Variants in MAN2C1 observed in about 807,000 individuals in gnomAD.
MAN2C1 encodes alpha-mannosidase 2C1.
In MAN2C1, 111 loss-of-function variants were observed where a neutral mutation model predicts 126.9. The ratio of observed to expected loss-of-function variants is 0.87; its 90% confidence interval spans 0.75 to 1.02. The LOEUF (loss-of-function observed/expected upper bound fraction) is 1.02, where lower values mean the gene tolerates loss of function less well. Ranked by LOEUF, MAN2C1 falls within the 50% of genes least tolerant of loss-of-function variation. The probability of loss-of-function intolerance (pLI) is 0.00; values close to 1 mark genes in which losing one functional copy is unlikely to be tolerated. For synonymous variants in MAN2C1, 567 were observed against 561.5 expected, an observed-to-expected ratio of 1.01 and a Z score of -0.14; for missense variants, 1,363 against 1,364.4, an observed-to-expected ratio of 1.00 and a Z score of 0.02.
chr15:75,356,188 A>G lies in MAN2C1; in HGVS notation c.2918T>C (p.Val973Ala). 2 of 1,613,424 alleles carry G rather than the reference A, an allele frequency of 1.2e-6. No individual in the cohort carries two copies. The highest frequency in any genetic ancestry group is 1.1e-5 in the South Asian group (1 of 91,068). ...GCCGTGGGCCTCATACAGCCTCAGG[A>G]CCAGCGAGCGGCGCTGGGGGCTGCT... ...AESSPQRRSL[V>A]LRLYEAHGSH... The change falls in exon 25 of 26, where the codon GTC becomes GCC. Residue 973 changes from valine to alanine, a missense_variant. By Grantham distance (64) the Val-to-Ala change is moderately conservative. Transcript: ENST00000267978. This position sits in a 1 kb window ranked among gnomAD's most constrained non-coding sequence, Gnocchi z 5.8.
chr15:75,360,616 A>G lies in MAN2C1; in HGVS notation c.1533T>C (p.Val511=). 2 of 1,613,874 alleles carry G rather than the reference A, an allele frequency of 1.2e-6. No individual in the cohort carries two copies. The highest frequency in any genetic ancestry group is 1.7e-6 in the Non-Finnish European group (2 of 1,179,986). ...TGTGCAGCTCCAAGAAGAGCTCCCC[A>G]ACCCACGTGCACAGCTGCTCTGAGT... The part of the protein sequence containing the change: ...ESDSEQLCTW[V]GELFLELHNG... The change falls in exon 13 of 26, where the codon GTT becomes GTC. Residue 511 remains valine (V), a synonymous_variant. Coordinates refer to ENST00000267978, the MANE Select transcript of MAN2C1 (RefSeq NM_006715.4).
rs2072528604 is a variant in MAN2C1, at chr15:75,364,075, G to A, written c.714C>T (p.Ala238=). The part of the protein sequence containing the change: ...PETFPVAQAL[A]SRFFGQHGGE... ...CCCCATGTTGGCCAAAGAACCTGGA[G>A]GCCAGGGCCTGGGCCACTGGGAAGG... Residue 238 remains alanine (A), a synonymous_variant, in exon 6 of 26, where the codon GCC becomes GCT. Coordinates refer to ENST00000267978, the MANE Select transcript of MAN2C1 (RefSeq NM_006715.4). 1 of 1,614,098 alleles carries A rather than the reference G, an allele frequency of 6.2e-7. No homozygotes were observed. Among genetic ancestry groups the A allele is most frequent in the African/African-American group, 1.3e-5 (1 of 74,950 alleles).
Position 75,368,181 on chromosome 15 carries a change from C to A in MAN2C1, c.119G>T (p.Cys40Phe), listed in dbSNP as rs2072623413. 6.2e-7 allele frequency: 1 copy of A among 1,604,256 alleles called. No homozygotes were observed. Among genetic ancestry groups the A allele is most frequent in the Admixed American group, 1.7e-5 (1 of 59,180 alleles). ...GAAGCTGGAGAGCACAGCCACAGGG[C>A]AGCTGGCCCCAAAAAGCCTGCGTGG... ...NLRGRLFGAS[C>F]PVAVLSSFLT... Residue 40 changes from cysteine to phenylalanine, a missense_variant, in exon 2 of 26, where the codon TGC becomes TTC. By Grantham distance (205) the Cys-to-Phe change is radical. This residue lies in a region of MAN2C1 where 628 missense variants were observed against 609.8 expected (regional missense o/e 1.03). Coordinates refer to ENST00000267978, the MANE Select transcript of MAN2C1 (RefSeq NM_006715.4).
At position 75,361,197 on chromosome 15, in the gene MAN2C1, C is replaced by T. The variant is rs1450337762; in HGVS notation, c.1315-6G>A. 3 of 1,610,090 alleles carry T rather than the reference C, an allele frequency of 1.9e-6. No homozygotes were observed. The highest frequency in any genetic ancestry group is 2.5e-6 in the Non-Finnish European group (3 of 1,178,672). On this transcript the variant is annotated splice_polypyrimidine_tract_variant and splice_region_variant and intron_variant, in intron 11 of 25. Transcript: ENST00000267978. This position sits in a 1 kb window ranked among gnomAD's most constrained non-coding sequence, Gnocchi z 5.0. ...TTGGCCACGGTCTTCAGCACCTAGA[C>T]AGGTGAGGGCAGGCCAGCATGGATC...
At chr15:75,359,179 G>C (rs769235254) in intron 17 of MAN2C1, 26 bp from the exon 18 acceptor site, 9 of 1,613,250 alleles carry the variant, frequency 5.6e-6, no homozygotes, top group African/African-American at 1.3e-5. Flanking sequence ...CCTTGAGGCT[G>C]AGTCTGTAGG....
chr15:75,361,537 G>C lies in MAN2C1; in HGVS notation c.1218+67C>G, dbSNP rs1220806290. The C allele has an allele frequency of 1.4e-5, 19 of 1,360,578 alleles. No homozygotes were observed. In the Admixed American group the frequency reaches 3.0e-4, roughly 22 times the overall value. The allele number at this position is 1,360,578 out of a possible 1,614,324, so 84.3% of individuals were successfully genotyped here. ...TCTGTCTAGGACCCCACAATAAGGGGGAGAGGCAAATGGGCCAGGCGGGAC... is the reference window on the plus strand; with the variant it reads ...TCTGTCTAGGACCCCACAATAAGGGCGAGAGGCAAATGGGCCAGGCGGGAC... On this transcript the variant is annotated intron_variant, in intron 10 of 25. Transcript: ENST00000267978. The surrounding 1 kb of genome is among the most constrained non-coding windows in gnomAD (Gnocchi z 5.0).
chr15:75,359,381 GGGGA>G lies in MAN2C1; in HGVS notation c.1989_1992del (p.Thr666HisfsTer13), dbSNP rs749025173. The G allele has an allele frequency of 2.5e-6, 4 of 1,608,292 alleles. No homozygotes were observed. In the African/African-American group the frequency reaches 5.3e-5, roughly 21 times the overall value. Reference sequence around the variant, plus strand: ...GGCAGCAGGGGCTGCAGTGAGGTGGGGGGAGGAACAGGAGCATAGCCCATGCTGG... The same window carrying G: ...GGCAGCAGGGGCTGCAGTGAGGTGGGGGAACAGGAGCATAGCCCATGCTGG... On this transcript the variant is annotated frameshift_variant, in exon 17 of 26. Coordinates refer to ENST00000267978, the MANE Select transcript of MAN2C1 (RefSeq NM_006715.4). LOFTEE classifies it high-confidence loss of function.
Position 75,361,416 on chromosome 15 carries a change from C to T in MAN2C1, c.1219-35G>A. The T allele has an allele frequency of 6.6e-7, 1 of 1,508,276 alleles. No homozygotes were observed. The highest frequency in any genetic ancestry group is 1.4e-5 in the African/African-American group (1 of 72,686). 93.4% of individuals were successfully genotyped at this position (1,508,276 alleles called of 1,614,324 possible). A position where few individuals can be genotyped will look rare whatever the true frequency, so the allele number is the denominator to read the frequency against. Reference sequence around the variant, plus strand: ...GGGAAACAGAAGCAGGGCAGAGAGGCCAGAGTCAGGGCTGAGGCAGAGCCA... The same window carrying T: ...GGGAAACAGAAGCAGGGCAGAGAGGTCAGAGTCAGGGCTGAGGCAGAGCCA... On this transcript the variant is annotated intron_variant, in intron 10 of 25. Coordinates refer to ENST00000267978, the MANE Select transcript of MAN2C1 (RefSeq NM_006715.4). The surrounding 1 kb of genome is among the most constrained non-coding windows in gnomAD (Gnocchi z 5.0).
intron 17 of MAN2C1, 49 bp from the exon 18 acceptor site, chr15:75,359,202 C>G (rs2072412745): frequency 8.7e-6 from 14 of 1,608,830 alleles, no homozygotes; most frequent in Non-Finnish European, 1.2e-5. Flanking sequence ...CTTCCCACAC[C>G]AAAAGTCTTC....
intron 6 of MAN2C1, chr15:75,363,110 C>T (rs2072508025): frequency 2.3e-6 from 1 of 443,334 alleles, no homozygotes; most frequent in African/African-American, 2.0e-5. Context: ...AGGCATGGCT[C>T]CCAGGATGGA....
chr15:75,356,195 AGCGGCGCTGGGGGCT>A lies in MAN2C1; in HGVS notation c.2896_2910del (p.Pro967_Ser971del), dbSNP rs768336670. 6.2e-7 allele frequency: 1 copy of A among 1,613,382 alleles called. No homozygotes were observed. The highest frequency in any genetic ancestry group is 2.2e-5 in the East Asian group (1 of 44,876). On this transcript the variant is annotated inframe_deletion, in exon 25 of 26. Coordinates refer to ENST00000267978, the MANE Select transcript of MAN2C1 (RefSeq NM_006715.4). This position sits in a 1 kb window ranked among gnomAD's most constrained non-coding sequence, Gnocchi z 5.8. ...GCCTCATACAGCCTCAGGACCAGCGAGCGGCGCTGGGGGCTGCTCTCCGCCTGCAGAGGAACACGT... is the reference window on the plus strand; with the variant it reads ...GCCTCATACAGCCTCAGGACCAGCGAGCTCTCCGCCTGCAGAGGAACACGT...
intron 2 of MAN2C1, 197 bp from the exon 3 acceptor site, chr15:75,367,831 G>T: frequency 1.2e-6 from 1 of 861,570 alleles, no homozygotes; most frequent in Non-Finnish European, 1.7e-6. Flanking sequence ...AAAGGTTCGT[G>T]ATCCCTAGGG....
chr15:75,364,385 G>A (rs558197365), intron 5 of MAN2C1, 103 bp downstream of exon 5: 296 of 1,356,770 alleles, frequency 2.2e-4, no homozygotes, highest in South Asian at 1.3e-3. Context: ...GGAAACCCTC[G>A]TCCTACTCTG....
intron 1 of MAN2C1, 138 bp from the exon 2 acceptor site, chr15:75,368,336 C>T (rs1400626164): frequency 7.1e-7 from 1 of 1,410,076 alleles, no homozygotes; most frequent in Non-Finnish European, 9.6e-7. Context: ...CAGTCCATTC[C>T]CTACCCCCTC....
At position 75,356,895 on chromosome 15, in the gene MAN2C1, G is replaced by A. The variant is rs770640237; in HGVS notation, c.2555C>T (p.Ala852Val). The A allele has an allele frequency of 4.3e-6, 7 of 1,613,738 alleles. No individual in the cohort carries two copies. Among genetic ancestry groups the A allele is most frequent in the African/African-American group, 1.3e-5 (1 of 74,944 alleles). ...TTCTGACAGATCCATCCAGCGATGG[G>A]CCCACACCTGGAGGGCAGATCCAAG... ...SWDWARFEVWAHRWMDLSEHG... is the reference protein window; with the variant it reads ...SWDWARFEVWVHRWMDLSEHG... The change falls in exon 22 of 26, where the codon GCC becomes GTC. Residue 852 changes from alanine (A) to valine (V), a missense_variant. Physicochemically the swap from Ala to Val is moderately conservative, Grantham distance 64. This residue lies in a region of MAN2C1 where 668 missense variants were observed against 650.1 expected (regional missense o/e 1.03). Transcript: ENST00000267978. This position sits in a 1 kb window ranked among gnomAD's most constrained non-coding sequence, Gnocchi z 5.8.
At position 75,367,499 on chromosome 15, in the gene MAN2C1, A is replaced by G; in HGVS notation, c.351+12T>C. On this transcript the variant is annotated intron_variant, in intron 3 of 25. Transcript: ENST00000267978. The stretch of plus-strand genomic sequence containing the variant: ...ATGTGGCCATACCTGGCCCTAGGAC[A>G]GGGTTCCTCACCTGGACAGGTTCTC... 6.2e-7 allele frequency: 1 copy of G among 1,613,458 alleles called. No homozygotes were observed. Among genetic ancestry groups the G allele is most frequent in the Non-Finnish European group, 8.5e-7 (1 of 1,179,598 alleles).
At position 75,362,688 on chromosome 15, in the gene MAN2C1, A is replaced by G. The variant is rs866496575; in HGVS notation, c.851T>C (p.Leu284Pro). 6.2e-7 allele frequency: 1 copy of G among 1,614,154 alleles called. No homozygotes were observed. Among genetic ancestry groups the G allele is most frequent in the South Asian group, 1.1e-5 (1 of 91,090 alleles). ...RKCARSWVTA[L>P]QLMERNPEFI... ...CTCAGGGTTCCGCTCCATGAGCTGC[A>G]GGGCGGTCACCCAGCTCCGGGCACA... The change falls in exon 7 of 26, where the codon CTG (leucine) becomes CCG (proline). Residue 284 changes from leucine to proline, a missense_variant. Physicochemically the swap from Leu to Pro is moderately conservative, Grantham distance 98. Around this residue, in one of 3 missense-constraint regions of MAN2C1, gnomAD observed 628 missense variants for 609.8 expected, o/e 1.03. Coordinates refer to ENST00000267978, the MANE Select transcript of MAN2C1 (RefSeq NM_006715.4). The surrounding 1 kb of genome is among the most constrained non-coding windows in gnomAD (Gnocchi z 4.5).
At chr15:75,367,051 C>T (rs958235105) in intron 3 of MAN2C1, among the ~76,000 whole-genome samples, 6 of 152,092 alleles carry the variant, frequency 3.9e-5, no homozygotes, top group African/African-American at 1.2e-4. Context: ...TTCTTGTAGC[C>T]AGGAAGAACA....
chr15:75,365,894 G>A (rs1259508242), intron 4 of MAN2C1: 2 of 425,178 alleles, frequency 4.7e-6, no homozygotes, highest in Non-Finnish European at 9.3e-6. Context: ...AGAGTAGCCT[G>A]GCCAACACGG....
Sources: gnomAD v4.1 joint callset for allele counts (sites outside exome capture counted in the v4.1 genomes callset) on GRCh38, gnomAD v4.1.1 for gene constraint, gnomAD v4.1.1 regional missense constraint, Gnocchi (gnomAD v3.1) non-coding constraint, MANE v1.5 for transcripts, NCBI Gene and HGNC (gene_info 2026-07-23, HGNC 2026-07-21) for gene names.